PDE6D: variants seen among roughly 807,000 people sequenced by gnomAD.
PDE6D encodes retinal rod rhodopsin-sensitive cGMP 3',5'-cyclic phosphodiesterase subunit delta.
A neutral mutation model predicts 21.9 loss-of-function variants in PDE6D; 10 were observed. The ratio of observed to expected loss-of-function variants is 0.46; its 90% confidence interval spans 0.28 to 0.78. The LOEUF is 0.78. Among genes scored for constraint, PDE6D ranks in the 30% least tolerant of loss-of-function variants. PDE6D has a pLI of 0.12. For missense variants in PDE6D, 139 were observed against 184.8 expected (o/e 0.75, Z 1.44); for synonymous variants, 59 against 63.5 (o/e 0.93, Z 0.34).
At chr2:231,771,053 G>A (rs867882669) in intron 1 of PDE6D, among the ~76,000 whole-genome samples, 1 of 151,724 alleles carries the variant, frequency 6.6e-6, no homozygotes, top group Non-Finnish European at 1.5e-5. Context: ...TTGAGCCTGG[G>A]AGGTTAAGGC....
chr2:231,758,469 A>C (rs2048901100), intron 1 of PDE6D, among the ~76,000 whole-genome samples: 1 of 152,150 alleles, frequency 6.6e-6, no homozygotes, highest in Non-Finnish European at 1.5e-5. Flanking sequence ...TGTTCTAAGA[A>C]GCTAGGGCAA....
intron 1 of PDE6D, among the ~76,000 whole-genome samples, chr2:231,775,460 C>T (rs1316022348): frequency 6.6e-6 from 1 of 151,322 alleles, no homozygotes; most frequent in Non-Finnish European, 1.5e-5. Flanking sequence ...AAGCATGCAC[C>T]ACCACACCTG....
chr2:231,749,260 T>G (rs1244450097), intron 1 of PDE6D, among the ~76,000 whole-genome samples: 1 of 152,154 alleles, frequency 6.6e-6, no homozygotes, highest in Non-Finnish European at 1.5e-5. Context: ...CGTGACCTGT[T>G]TGTGAGACCT....
rs1348814843 is a variant in PDE6D at position 231,739,868 on chromosome 2, G to C, written c.51-680C>G. On this transcript the variant is annotated intron_variant, in intron 1 of 4. Transcript: ENST00000287600. This position sits in a 1 kb window ranked among gnomAD's most constrained non-coding sequence, Gnocchi z 4.2. ...GCTGGTCTCGAACTCCTGACCTCAAGTGATCTGTCTGCCTCAGCCTCTGAG... is the reference window on the plus strand; with the variant it reads ...GCTGGTCTCGAACTCCTGACCTCAACTGATCTGTCTGCCTCAGCCTCTGAG... Among the ~76,000 whole-genome samples, 1 of 152,126 alleles carries C rather than the reference G, an allele frequency of 6.6e-6. No homozygotes were observed. Among genetic ancestry groups the C allele is most frequent in the African/African-American group, 2.4e-5 (1 of 41,422 alleles).
chr2:231,779,356 A>C (rs905617493), intron 1 of PDE6D: 8 of 152,254 alleles, frequency 5.3e-5, no homozygotes, highest in African/African-American at 1.9e-4. Flanking sequence ...TCAAGAGCTA[A>C]GACTGAAGGT....
At chr2:231,746,210 C>T (rs922393789) in intron 1 of PDE6D, among the ~76,000 whole-genome samples, 4 of 152,108 alleles carry the variant, frequency 2.6e-5, no homozygotes, top group African/African-American at 7.2e-5. Flanking sequence ...GGTGCAATCT[C>T]GGCTCACTGC....
At position 231,738,122 on chromosome 2, in the gene PDE6D, T is replaced by C; in HGVS notation, c.156A>G (p.Lys52=). 1.2e-6 allele frequency: 2 copies of C among 1,613,170 alleles called. No homozygotes were observed. The highest frequency in any genetic ancestry group is 1.7e-6 in the Non-Finnish European group (2 of 1,179,644). The change falls in exon 3 of 5, where the codon AAA becomes AAG. Residue 52 remains lysine (K), a synonymous_variant. Transcript: ENST00000287600. The stretch of plus-strand genomic sequence containing the variant: ...GAGACACTGCCTTGCACTTGAGGAT[T>C]TTCTTGGGAACACGGGCTGGTAAGA... ...GVEHEARVPK[K]ILKCKAVSRE... is the part of the protein sequence containing the mutation.
At chr2:231,767,351 C>T (rs1051565944) in intron 1 of PDE6D, among the ~76,000 whole-genome samples, 1 of 151,696 alleles carries the variant, frequency 6.6e-6, no homozygotes, top group Admixed American at 6.6e-5. Flanking sequence ...ACAGAGTCTC[C>T]GTTGCCAAGG....
At chr2:231,771,053 G>T (rs867882669) in intron 1 of PDE6D, among the ~76,000 whole-genome samples, 1 of 151,724 alleles carries the variant, frequency 6.6e-6, no homozygotes. Flanking sequence ...TTGAGCCTGG[G>T]AGGTTAAGGC....
chr2:231,774,583 T>C (rs956221270), intron 1 of PDE6D, among the ~76,000 whole-genome samples: 1 of 148,934 alleles, frequency 6.7e-6, no homozygotes, highest in African/African-American at 2.4e-5. Flanking sequence ...TTGTGAACAC[T>C]GAATATTATC....
At chr2:231,742,241 C>A (rs2048755379) in intron 1 of PDE6D, among the ~76,000 whole-genome samples, 1 of 152,076 alleles carries the variant, frequency 6.6e-6, no homozygotes, top group African/African-American at 2.4e-5. Context: ...CCTGCCTCAG[C>A]CTCCTGAGTA....
intron 1 of PDE6D, among the ~76,000 whole-genome samples, chr2:231,758,628 C>T (rs960259454): frequency 1.1e-4 from 16 of 152,178 alleles, no homozygotes; most frequent in Non-Finnish European, 5.9e-5. Flanking sequence ...GTATTTTTCA[C>T]AGTTCCCCAA....
At chr2:231,761,604 C>T (rs2048927653) in intron 1 of PDE6D, among the ~76,000 whole-genome samples, 1 of 152,152 alleles carries the variant, frequency 6.6e-6, no homozygotes, top group African/African-American at 2.4e-5. Flanking sequence ...AGCATGAGGC[C>T]AGGGAAAAGG....
chr2:231,735,430 C>T (rs1038937078), intron 4 of PDE6D, among the ~76,000 whole-genome samples: 4 of 150,528 alleles, frequency 2.7e-5, no homozygotes, highest in African/African-American at 9.7e-5. Context: ...TCCCGAGTAG[C>T]TGGGACTACA....
chr2:231,775,485 G>GTTTTT (rs145491718), intron 1 of PDE6D, among the ~76,000 whole-genome samples: 16 of 140,952 alleles, frequency 1.1e-4, no homozygotes, highest in South Asian at 2.2e-4. Context: ...ATTTTTGTGT[G>GTTTTT]TGTTTTTTTT....
chr2:231,752,839 T>G (rs1357568791), intron 1 of PDE6D, among the ~76,000 whole-genome samples: 2 of 146,004 alleles, frequency 1.4e-5, no homozygotes, highest in Admixed American at 1.4e-4. Context: ...GAGTTTTTTT[T>G]TTTTTTTTTT....
chr2:231,763,395 A>G (rs1441575390), intron 1 of PDE6D, among the ~76,000 whole-genome samples: 1 of 151,978 alleles, frequency 6.6e-6, no homozygotes, highest in Non-Finnish European at 1.5e-5. Flanking sequence ...CGTCTCATTC[A>G]TGTATTTACT....
intron 1 of PDE6D, among the ~76,000 whole-genome samples, chr2:231,764,322 G>A (rs572194421): frequency 6.6e-6 from 1 of 152,070 alleles, no homozygotes; most frequent in Non-Finnish European, 1.5e-5. Flanking sequence ...GAGGCTGAGG[G>A]CAAGATTGCA....
At chr2:231,760,945 C>A (rs2048919956) in intron 1 of PDE6D, among the ~76,000 whole-genome samples, 1 of 152,190 alleles carries the variant, frequency 6.6e-6, no homozygotes, top group Non-Finnish European at 1.5e-5. Flanking sequence ...AAAGCCCTAA[C>A]AATGTCCAGG....
Sources: allele counts gnomAD v4.1 joint callset (sites outside exome capture counted in the v4.1 genomes callset), GRCh38; gene constraint gnomAD v4.1.1; non-coding constraint Gnocchi (gnomAD v3.1); transcripts MANE v1.5; gene names NCBI Gene and HGNC (gene_info 2026-07-23, HGNC 2026-07-21).